The following DUOX1 variants were observed in gnomAD, a reference collection of about 807,000 sequenced individuals.
DUOX1 encodes the protein NADPH thyroid oxidase 1.
A neutral mutation model predicts 181.8 loss-of-function variants in DUOX1; 134 were observed. The ratio of observed to expected loss-of-function variants is 0.74; its 90% CI spans 0.64 to 0.85. The LOEUF is 0.85. Ranked by LOEUF, DUOX1 falls within the 40% of genes least tolerant of loss-of-function variation. The pLI is 0.00. For synonymous variants in DUOX1, 798 were observed against 832.5 expected, an observed-to-expected ratio of 0.96 and a Z score of 0.71; for missense variants, 1,814 against 2,064.4, an observed-to-expected ratio of 0.88 and a Z score of 2.35.
chr15:45,146,248 G>A (rs1333590585), intron 18 of DUOX1, among the ~76,000 whole-genome samples: 1 of 152,248 alleles, frequency 6.6e-6, no homozygotes, highest in Admixed American at 6.5e-5. Flanking sequence ...TGTGGTTGGG[G>A]AGAGGATTCA....
chr15:45,131,570 C>A, intron 1 of DUOX1: 1 of 225,456 alleles, frequency 4.4e-6, no homozygotes, highest in Non-Finnish European at 8.8e-6. Flanking sequence ...TCTCCTGATC[C>A]CCAAGCAGGG....
In DUOX1 at chr15:45,160,856, T is replaced by C. The variant is rs745475682; in HGVS notation, c.3722T>C (p.Phe1241Ser). Residue 1241 changes from phenylalanine to serine, a missense_variant, in exon 29 of 34, where the codon TTT becomes TCT. This residue lies in a region of DUOX1 where 279 missense variants were observed against 381.9 expected (regional missense o/e 0.73). Coordinates refer to ENST00000389037, the MANE Select transcript of DUOX1 (RefSeq NM_175940.3). ...ATCTAGCTCATCATCCATGGTAGCT[T>C]TGCCCTGATCCAGCTGCCCCGTTTC... ...LYVLLIIHGS[F>S]ALIQLPRFHI... The C allele has an allele frequency of 1.9e-6, 3 of 1,610,012 alleles. No homozygotes were observed. Among genetic ancestry groups the C allele is most frequent in the African/African-American group, 1.3e-5 (1 of 74,912 alleles).
intron 28 of DUOX1, among the ~76,000 whole-genome samples, chr15:45,159,679 T>C (rs1042546530): frequency 3.9e-5 from 6 of 152,112 alleles, no homozygotes; most frequent in Non-Finnish European, 7.4e-5. Flanking sequence ...AAAGGGAGAC[T>C]AGTTAGGTAT....
chr15:45,149,057 G>A (rs573367140), intron 21 of DUOX1, among the ~76,000 whole-genome samples: 2 of 152,296 alleles, frequency 1.3e-5, no homozygotes, highest in African/African-American at 2.4e-5. Flanking sequence ...GGGGGCTAGA[G>A]TTAGAGTGAG....
In DUOX1 at chr15:45,162,239, T is replaced by A; in HGVS notation, c.4110T>A (p.Phe1370Leu). ...RYPKLYLDGP[F>L]GEGHQEWHKF... ...TACAGCTGTACCTTGATGGACCATTTGGAGAGGGCCACCAGGAGTGGCATA... is the reference window on the plus strand; with the variant it reads ...TACAGCTGTACCTTGATGGACCATTAGGAGAGGGCCACCAGGAGTGGCATA... The change falls in exon 31 of 34, where the codon TTT becomes TTA. Residue 1370 changes from phenylalanine to leucine, a missense_variant. By Grantham distance (22) the Phe-to-Leu change is conservative (BLOSUM62 0). Around this residue, in one of 5 missense-constraint regions of DUOX1, gnomAD observed 279 missense variants for 381.9 expected, o/e 0.73. Coordinates refer to ENST00000389037, the MANE Select transcript of DUOX1 (RefSeq NM_175940.3). 6.2e-7 allele frequency: 1 copy of A among 1,610,720 alleles called. No individual in the cohort carries two copies. The highest frequency in any genetic ancestry group is 8.5e-7 in the Non-Finnish European group (1 of 1,178,020).
rs141626177 is a variant in DUOX1 at position 45,163,587 on chromosome 15, T to A, written c.4304T>A (p.Ile1435Asn). 9 of 1,614,128 alleles carry A rather than the reference T, an allele frequency of 5.6e-6. No homozygotes were observed. In the South Asian group the frequency reaches 9.9e-5, roughly 18 times the overall value. ...TQRQFEWLAD[I>N]IREVEENDHQ... ...CGTCAGTTTGAGTGGCTGGCTGACA[T>A]CATCCGAGAGGTGGAGGAGAATGAC... Residue 1435 changes from isoleucine (I) to asparagine (N), a missense_variant, in exon 32 of 34, where the codon ATC becomes AAC. Around this residue, in one of 5 missense-constraint regions of DUOX1, gnomAD observed 279 missense variants for 381.9 expected, o/e 0.73. Coordinates refer to ENST00000389037, the MANE Select transcript of DUOX1 (RefSeq NM_175940.3).
At chr15:45,133,073 G>C (rs899520127) in intron 2 of DUOX1, among the ~76,000 whole-genome samples, 3 of 152,166 alleles carry the variant, frequency 2.0e-5, no homozygotes, top group African/African-American at 4.8e-5. Context: ...CCAGCTATCT[G>C]CTCTACTGAT....
intron 29 of DUOX1, 107 bp downstream of exon 29, chr15:45,161,097 G>A: frequency 1.3e-6 from 2 of 1,510,758 alleles, no homozygotes; most frequent in South Asian, 1.2e-5. Context: ...GAGCTGGCAG[G>A]TGCCTTGGGT....
chr15:45,151,100 A>C, intron 22 of DUOX1, 23 bp from the exon 23 acceptor site: 10 of 1,613,450 alleles, frequency 6.2e-6, no homozygotes, highest in Admixed American at 1.7e-5. Flanking sequence ...CCAGCATCCT[A>C]TCTCTTACCA....
chr15:45,151,060 G>C (rs1433121456), intron 22 of DUOX1, 63 bp from the exon 23 acceptor site: 31 of 1,599,498 alleles, frequency 1.9e-5, no homozygotes, highest in Non-Finnish European at 2.4e-5. Context: ...AGGCAGACCA[G>C]GATAGCAGAG....
intron 29 of DUOX1, 23 bp downstream of exon 29, chr15:45,161,013 G>C (rs759627582): frequency 3.1e-6 from 5 of 1,613,736 alleles, no homozygotes; most frequent in Non-Finnish European, 4.2e-6. Context: ...CAGGAGATCA[G>C]CTTGGTGACA....
intron 21 of DUOX1, among the ~76,000 whole-genome samples, chr15:45,149,275 C>G (rs1263516361): frequency 6.6e-6 from 1 of 152,196 alleles, no homozygotes; most frequent in Non-Finnish European, 1.5e-5. Context: ...GGGCTTCCCC[C>G]TGGGGGTAAG....
In DUOX1 at chr15:45,154,101, C is replaced by T. The variant is rs1032313439; in HGVS notation, c.3574+101C>T. Reference sequence around the variant, plus strand: ...GCAACCCACGTTCACTCACTCAGCTCTTCCGGTGACCCAGGCTCTGTCCTC... The same window carrying T: ...GCAACCCACGTTCACTCACTCAGCTTTTCCGGTGACCCAGGCTCTGTCCTC... On this transcript the variant is annotated intron_variant, in intron 27 of 33. Coordinates refer to ENST00000389037, the MANE Select transcript of DUOX1 (RefSeq NM_175940.3). The T allele has an allele frequency of 5.4e-6, 6 of 1,104,708 alleles. No individual in the cohort carries two copies. The African/African-American group carries it at 6.1e-5, about 11-fold the overall frequency. 68.4% of individuals were successfully genotyped at this position (1,104,708 alleles called of 1,614,324 possible).
rs781016173 is a variant in DUOX1 at position 45,136,513 on chromosome 15, TCTC to T, written c.926-13_926-11del. On this transcript the variant is annotated splice_polypyrimidine_tract_variant and intron_variant, in intron 8 of 33. Transcript: ENST00000389037. ...AGGGCTAAATTCTTCTGTCCTCTCTTCTCCTATTTCCCCAGGATACCGGCCATT... is the reference window on the plus strand; with the variant it reads ...AGGGCTAAATTCTTCTGTCCTCTCTTCTATTTCCCCAGGATACCGGCCATT... 63 of 1,614,054 alleles carry T rather than the reference TCTC, an allele frequency of 3.9e-5. No homozygotes were observed. In the African/African-American group the frequency reaches 6.0e-4, roughly 15 times the overall value.
At position 45,163,656 on chromosome 15, in the gene DUOX1, C is replaced by A; in HGVS notation, c.4373C>A (p.Ala1458Asp). Residue 1458 changes from alanine (A) to aspartate (D), a missense_variant, in exon 32 of 34, where the codon GCT becomes GAT. Ala to Asp is a moderately radical substitution (Grantham distance 126, BLOSUM62 -2). Around this residue, in one of 5 missense-constraint regions of DUOX1, gnomAD observed 124 missense variants for 125.7 expected, o/e 0.99. Coordinates refer to ENST00000389037, the MANE Select transcript of DUOX1 (RefSeq NM_175940.3). The stretch of plus-strand genomic sequence containing the variant: ...GTGCACATCTACATCACCCAGCTGG[C>A]TGAGAAGTTCGACCTCAGGACCACT... ...VSVHIYITQL[A>D]EKFDLRTTML... The A allele has an allele frequency of 6.2e-7, 1 of 1,614,160 alleles. No homozygotes were observed. Among genetic ancestry groups the A allele is most frequent in the Non-Finnish European group, 8.5e-7 (1 of 1,180,022 alleles).
intron 14 of DUOX1, among the ~76,000 whole-genome samples, 182 bp downstream of exon 14, chr15:45,141,592 T>A (rs926521381): frequency 1.3e-5 from 2 of 152,066 alleles, no homozygotes; most frequent in Non-Finnish European, 2.9e-5. Context: ...TAGGGTCCCC[T>A]CTGCAGAACT....
Position 45,162,489 on chromosome 15 carries a change from G to A in DUOX1, c.4248+112G>A, listed in dbSNP as rs1897134467. The A allele has an allele frequency of 2.1e-6, 3 of 1,439,170 alleles. No individual in the cohort carries two copies. In the South Asian group the frequency reaches 4.3e-5, roughly 21 times the overall value. 89.2% of individuals were successfully genotyped at this position (1,439,170 alleles called of 1,614,324 possible). ...TCTTGGCTTCCCTGAACTGGGCAGG[G>A]GCAAGTTGGTTTGAAACCTGGGGTT... On this transcript the variant is annotated intron_variant, in intron 31 of 33. Transcript: ENST00000389037.
intron 17 of DUOX1, 72 bp downstream of exon 17, chr15:45,144,307 A>AGCATG (rs1422100401): frequency 3.9e-6 from 6 of 1,520,530 alleles, no homozygotes; most frequent in Non-Finnish European, 5.4e-6. Flanking sequence ...GAGGGGAAGA[A>AGCATG]GCATGGGGTC....
Position 45,165,259 on chromosome 15 carries a change from G to A in DUOX1, c.*358G>A, listed in dbSNP as rs953927528. The A allele has an allele frequency of 2.3e-5, 6 of 263,606 alleles. No homozygotes were observed. The highest frequency in any genetic ancestry group is 5.2e-5 in the Admixed American group (1 of 19,402). The allele number at this position is 263,606 out of a possible 1,614,324, so 16.3% of individuals were successfully genotyped here. On this transcript the variant is annotated 3_prime_UTR_variant, in exon 34 of 34. Transcript: ENST00000389037. ...TGCATGTCTGTATGTGTGTTGGGGC[G>A]GTGAGTGTAAGGATGCAGTGGGAGC...
Sources: gnomAD v4.1 joint callset for allele counts (sites outside exome capture counted in the v4.1 genomes callset) on GRCh38, gnomAD v4.1.1 for gene constraint, gnomAD v4.1.1 regional missense constraint, MANE v1.5 for transcripts, NCBI Gene and HGNC (gene_info 2026-07-23, HGNC 2026-07-21) for gene names.